Variants in KCNIP4 observed in about 807,000 individuals in gnomAD.
KCNIP4 encodes potassium voltage-gated channel interacting protein 4.
In KCNIP4, 12 loss-of-function variants were observed where a neutral mutation model predicts 34.0. The observed-to-expected ratio is 0.35, with a 90% CI of 0.23 to 0.57. The LOEUF is 0.57. KCNIP4 is among the 20% of genes least tolerant of loss of function. KCNIP4 has a pLI of 0.83. For synonymous variants in KCNIP4, 124 were observed against 102.2 expected (o/e 1.21, Z -1.29); for missense variants, 238 against 311.7 (o/e 0.76, Z 1.78).
intron 1 of KCNIP4, among the ~76,000 whole-genome samples, chr4:21,510,922 T>A (rs1385080264): frequency 6.6e-6 from 1 of 152,076 alleles, no homozygotes; most frequent in Non-Finnish European, 1.5e-5. Flanking sequence ...TGGGCGCATG[T>A]AGTCCCAGCT....
At chr4:20,739,010 C>T (rs765522934) in intron 5 of KCNIP4, among the ~76,000 whole-genome samples, 1 of 152,170 alleles carries the variant, frequency 6.6e-6, no homozygotes, top group East Asian at 1.9e-4. Flanking sequence ...AGTCCGAGAT[C>T]GAACTGCAAG....
intron 1 of KCNIP4, among the ~76,000 whole-genome samples, chr4:21,606,295 C>G (rs899440509): frequency 1.3e-5 from 2 of 152,070 alleles, no homozygotes; most frequent in African/African-American, 2.4e-5. Flanking sequence ...AAACAGGATC[C>G]TTTTTAACAT....
chr4:21,052,038 T>A lies in KCNIP4; in HGVS notation c.62-169329A>T, dbSNP rs1306730127. ...ACCTCAATACATTGGAATTTAGAAATAAAGAGACCATTAGTGAGATTCCAT... is the reference window on the plus strand; with the variant it reads ...ACCTCAATACATTGGAATTTAGAAAAAAAGAGACCATTAGTGAGATTCCAT... On this transcript the variant is annotated intron_variant, in intron 1 of 8. Transcript: ENST00000382152. Among the ~76,000 whole-genome samples, 3 of 152,200 alleles carry A rather than the reference T, an allele frequency of 2.0e-5. No homozygotes were observed. In the East Asian group the frequency reaches 5.8e-4, roughly 29 times the overall value.
At chr4:21,839,710 G>A (rs926482670) in intron 1 of KCNIP4, among the ~76,000 whole-genome samples, 1 of 152,076 alleles carries the variant, frequency 6.6e-6, no homozygotes, top group Admixed American at 6.5e-5. Flanking sequence ...AGCTGAGATC[G>A]CACCACTGCA....
Position 21,135,965 on chromosome 4 carries a change from CTG to C in KCNIP4, c.62-253258_62-253257del, listed in dbSNP as rs57283500. Among the ~76,000 whole-genome samples, 22 of 152,278 alleles carry C rather than the reference CTG, an allele frequency of 1.4e-4. No individual in the cohort carries two copies. In the East Asian group the frequency reaches 3.9e-3, roughly 27 times the overall value. ...CAAGTTAATTGGCAGTCAGTCATAA[CTG>C]TTACTATTCATGTAAACAGCTTAAG... On this transcript the variant is annotated intron_variant, in intron 1 of 8. Coordinates refer to ENST00000382152, the MANE Select transcript of KCNIP4 (RefSeq NM_025221.6).
intron 1 of KCNIP4, among the ~76,000 whole-genome samples, chr4:20,925,188 T>A (rs905817589): frequency 2.6e-5 from 4 of 152,124 alleles, no homozygotes; most frequent in African/African-American, 9.7e-5. Context: ...TGAGGGTATT[T>A]GGATGAGGAT....
At chr4:21,560,839 T>C (rs1269969543) in intron 1 of KCNIP4, among the ~76,000 whole-genome samples, 1 of 152,024 alleles carries the variant, frequency 6.6e-6, no homozygotes, top group Non-Finnish European at 1.5e-5. Flanking sequence ...CTAGGAGGGT[T>C]CAGCCAACAA....
chr4:21,883,128 G>A (rs1726554598), intron 1 of KCNIP4, among the ~76,000 whole-genome samples: 2 of 150,292 alleles, frequency 1.3e-5, no homozygotes, highest in African/African-American at 4.9e-5. Flanking sequence ...ACATTTAAAT[G>A]GACAAATTAA....
At chr4:21,518,621 C>T (rs1339041883) in intron 1 of KCNIP4, among the ~76,000 whole-genome samples, 1 of 152,078 alleles carries the variant, frequency 6.6e-6, no homozygotes, top group Admixed American at 6.6e-5. Context: ...ATGAAAATAT[C>T]CCTACGCTGT....
At chr4:21,264,029 C>T (rs963208527) in intron 1 of KCNIP4, among the ~76,000 whole-genome samples, 3 of 151,686 alleles carry the variant, frequency 2.0e-5, no homozygotes, top group Admixed American at 1.3e-4. Context: ...ATATAGCCAT[C>T]CAAATCGTTA....
At chr4:21,195,444 C>A (rs1755988254) in intron 1 of KCNIP4, among the ~76,000 whole-genome samples, 1 of 152,152 alleles carries the variant, frequency 6.6e-6, no homozygotes, top group African/African-American at 2.4e-5. Context: ...TATTAAGGAG[C>A]TAGGAAAAAT....
At chr4:21,840,829 ACT>A (rs1723631569) in intron 1 of KCNIP4, among the ~76,000 whole-genome samples, 1 of 152,178 alleles carries the variant, frequency 6.6e-6, no homozygotes, top group South Asian at 2.1e-4. Context: ...GCTCTGGTTT[ACT>A]TGAAAGTCAA....
intron 1 of KCNIP4, among the ~76,000 whole-genome samples, chr4:21,437,738 A>G (rs1274126250): frequency 3.3e-5 from 5 of 152,326 alleles, no homozygotes; most frequent in Non-Finnish European, 1.5e-5. Flanking sequence ...ATGGTAAAGA[A>G]ACCCTAACTT....
chr4:21,543,885 T>C (rs1356563406), intron 1 of KCNIP4, among the ~76,000 whole-genome samples: 3 of 152,246 alleles, frequency 2.0e-5, no homozygotes, highest in African/African-American at 7.2e-5. Context: ...TTGTCTACGA[T>C]GGAATGTTAA....
intron 1 of KCNIP4, among the ~76,000 whole-genome samples, chr4:20,922,953 A>T (rs1729552506): frequency 6.6e-6 from 1 of 152,136 alleles, no homozygotes; most frequent in East Asian, 1.9e-4. Context: ...ATAGTTAAAC[A>T]TGTGAGTACG....
intron 1 of KCNIP4, among the ~76,000 whole-genome samples, chr4:21,635,210 A>G (rs1746051378): frequency 6.6e-6 from 1 of 152,138 alleles, no homozygotes; most frequent in African/African-American, 2.4e-5. Context: ...ACTGCAGTAG[A>G]TTTTCCACTC....
At chr4:21,487,637 C>G (rs1338623373) in intron 1 of KCNIP4, among the ~76,000 whole-genome samples, 1 of 152,150 alleles carries the variant, frequency 6.6e-6, no homozygotes, top group African/African-American at 2.4e-5. Context: ...AAATCAGATA[C>G]CTACAGAAAT....
chr4:21,753,059 T>C (rs1717261069), intron 1 of KCNIP4, among the ~76,000 whole-genome samples: 1 of 152,144 alleles, frequency 6.6e-6, no homozygotes, highest in South Asian at 2.1e-4. Flanking sequence ...TTTCTGTTTA[T>C]CAGTTTTTCA....
At chr4:21,294,944 T>A (rs1763751613) in intron 1 of KCNIP4, among the ~76,000 whole-genome samples, 1 of 152,232 alleles carries the variant, frequency 6.6e-6, no homozygotes, top group African/African-American at 2.4e-5. Context: ...TTTTTTTGTG[T>A]GTGAAATTCA....
Sources: gnomAD v4.1 joint callset for allele counts (sites outside exome capture counted in the v4.1 genomes callset) on GRCh38, gnomAD v4.1.1 for gene constraint, MANE v1.5 for transcripts, NCBI Gene and HGNC (gene_info 2026-07-23, HGNC 2026-07-21) for gene names.